SNX29: variants seen among roughly 807,000 people sequenced by gnomAD.
SNX29 encodes sorting nexin-29.
Under a neutral mutation model 102.1 loss-of-function variants are expected in SNX29, and 78 were observed. That is an observed-to-expected ratio of 0.76 (90% confidence interval 0.64 to 0.92). The LOEUF is 0.92. SNX29 is among the 40% of genes least tolerant of loss of function. The pLI is 0.00. For missense variants in SNX29, 1,280 were observed against 1,061.7 expected (o/e 1.21, Z -2.86); for synonymous variants, 580 against 414.5 (o/e 1.40, Z -4.85).
At chr16:12,297,816 T>G (rs1431921740) in intron 15 of SNX29, among the ~76,000 whole-genome samples, 1 of 152,194 alleles carries the variant, frequency 6.6e-6, no homozygotes, top group Non-Finnish European at 1.5e-5. Context: ...ACTGAACAAC[T>G]GTCGAAACCT....
chr16:12,057,574 G>A (rs1019319414), intron 8 of SNX29, among the ~76,000 whole-genome samples: 2 of 152,130 alleles, frequency 1.3e-5, no homozygotes, highest in Non-Finnish European at 2.9e-5. Context: ...ACATACCCTC[G>A]ATTCAGGGAA....
intron 11 of SNX29, among the ~76,000 whole-genome samples, chr16:12,085,119 G>C (rs2052099282): frequency 6.6e-6 from 1 of 151,936 alleles, no homozygotes; most frequent in South Asian, 2.1e-4. Context: ...AGTGTCTTCT[G>C]TCCCCTCTGG....
intron 20 of SNX29, among the ~76,000 whole-genome samples, chr16:12,550,504 C>T (rs879452571): frequency 6.8e-5 from 10 of 146,728 alleles, no homozygotes; most frequent in African/African-American, 1.8e-4. Context: ...CATTACATTC[C>T]AGTCTGGGAG....
At chr16:12,568,238 G>C (rs192867540) in intron 20 of SNX29, among the ~76,000 whole-genome samples, 12 of 151,324 alleles carry the variant, frequency 7.9e-5, no homozygotes, top group Non-Finnish European at 1.6e-4. Flanking sequence ...AATGTAGACC[G>C]GAACGGTGGT....
At chr16:12,009,255 T>C (rs1216341569) in intron 3 of SNX29, among the ~76,000 whole-genome samples, 1 of 152,090 alleles carries the variant, frequency 6.6e-6, no homozygotes, top group African/African-American at 2.4e-5. Context: ...GGATGAGTAA[T>C]GTTTCGAGTA....
At position 12,570,895 on chromosome 16, in the gene SNX29, A is replaced by G. The variant is rs377508388; in HGVS notation, c.*2266A>G. ...CTTTTATAATACTGAATTATTCACA[A>G]AAAACCTGGTCTGCTCTCCAAAATG... is the stretch of plus-strand genomic sequence containing the variant. On this transcript the variant is annotated 3_prime_UTR_variant, in exon 21 of 21. Coordinates refer to ENST00000566228, the MANE Select transcript of SNX29 (RefSeq NM_032167.5). 1.3e-5 allele frequency: 3 copies of G among 229,802 alleles called. No individual in the cohort carries two copies. Among genetic ancestry groups the G allele is most frequent in the African/African-American group, 6.7e-5 (3 of 44,694 alleles). 14.2% of individuals were successfully genotyped at this position (229,802 alleles called of 1,614,324 possible). A position where few individuals can be genotyped will look rare whatever the true frequency, so the allele number is the denominator to read the frequency against.
At chr16:12,315,979 T>C (rs2151154733) in intron 15 of SNX29, among the ~76,000 whole-genome samples, 1 of 152,310 alleles carries the variant, frequency 6.6e-6, no homozygotes, top group Middle Eastern at 3.4e-3. Flanking sequence ...AGATAGACAC[T>C]CAACAGATAC....
chr16:12,335,966 C>T (rs946103294), intron 15 of SNX29, among the ~76,000 whole-genome samples: 2 of 151,952 alleles, frequency 1.3e-5, no homozygotes, highest in African/African-American at 4.8e-5. Context: ...CTCCTGCTTC[C>T]TGTGGGTCAA....
intron 15 of SNX29, among the ~76,000 whole-genome samples, chr16:12,350,778 C>A (rs186859044): frequency 1.3e-5 from 2 of 152,168 alleles, no homozygotes; most frequent in East Asian, 1.9e-4. Flanking sequence ...TTACAGTCAC[C>A]GTGGGCTTTA....
At chr16:12,355,290 C>G (rs1049297941) in intron 15 of SNX29, among the ~76,000 whole-genome samples, 1 of 152,204 alleles carries the variant, frequency 6.6e-6, no homozygotes, top group Non-Finnish European at 1.5e-5. Context: ...TTAGCGACCC[C>G]TGTTTTTTCC....
intron 20 of SNX29, among the ~76,000 whole-genome samples, chr16:12,566,500 T>C (rs575079418): frequency 2.8e-4 from 42 of 152,298 alleles, no homozygotes; most frequent in African/African-American, 1.0e-3. Flanking sequence ...GGTTGCAGGC[T>C]AAGTGGCTGC....
At chr16:12,095,793 G>A (rs528957980) in intron 11 of SNX29, among the ~76,000 whole-genome samples, 1 of 152,238 alleles carries the variant, frequency 6.6e-6, no homozygotes, top group East Asian at 1.9e-4. Context: ...CTTTTAATTT[G>A]TTAGAGCTTT....
chr16:12,516,656 G>T (rs1382984579), intron 19 of SNX29, among the ~76,000 whole-genome samples: 1 of 152,048 alleles, frequency 6.6e-6, no homozygotes, highest in Admixed American at 6.5e-5. Context: ...TGCTACTCCC[G>T]ATAGACAAGA....
chr16:12,458,201 T>A (rs564854220), intron 18 of SNX29, among the ~76,000 whole-genome samples: 55 of 152,198 alleles, frequency 3.6e-4, no homozygotes, highest in Non-Finnish European at 7.2e-4. Context: ...GGCAGCCACG[T>A]TCCATCTGTG....
At chr16:12,282,681 GT>G (rs1357242985) in intron 15 of SNX29, among the ~76,000 whole-genome samples, 1 of 152,188 alleles carries the variant, frequency 6.6e-6, no homozygotes, top group Non-Finnish European at 1.5e-5. Context: ...TTGAGATGGA[GT>G]TTTGCTCTTT....
At chr16:12,486,422 T>TCTTCTTC (rs146256012) in intron 19 of SNX29, among the ~76,000 whole-genome samples, 3 of 152,120 alleles carry the variant, frequency 2.0e-5, no homozygotes, top group Non-Finnish European at 2.9e-5. Context: ...ACCGTACACC[T>TCTTCTTC]CTTCTTCCTT....
intron 14 of SNX29, among the ~76,000 whole-genome samples, chr16:12,239,990 G>A (rs545766933): frequency 6.3e-4 from 96 of 152,316 alleles, no homozygotes; most frequent in African/African-American, 2.1e-3. Context: ...TAGAGTGTCT[G>A]TGTAAAACAC....
At chr16:12,537,606 C>T (rs759256939) in intron 20 of SNX29, among the ~76,000 whole-genome samples, 2 of 152,202 alleles carry the variant, frequency 1.3e-5, no homozygotes, top group Non-Finnish European at 2.9e-5. Flanking sequence ...ACTCTCACTT[C>T]AGTCCCAAAA....
chr16:12,020,296 T>C (rs2056980066), intron 3 of SNX29, among the ~76,000 whole-genome samples: 2 of 152,110 alleles, frequency 1.3e-5, no homozygotes, highest in Non-Finnish European at 2.9e-5. Flanking sequence ...GGCTAATTTT[T>C]TTATTTTTTG....
Sources: allele counts gnomAD v4.1 joint callset (sites outside exome capture counted in the v4.1 genomes callset), GRCh38; gene constraint gnomAD v4.1.1; transcripts MANE v1.5; gene names NCBI Gene and HGNC (gene_info 2026-07-23, HGNC 2026-07-21).